Variants in RBFOX1 observed in about 807,000 individuals in gnomAD.
RBFOX1 encodes the protein RNA binding protein fox-1 homolog 1.
Under a neutral mutation model 57.7 loss-of-function variants are expected in RBFOX1, and 8 were observed. That is an observed-to-expected ratio of 0.14 (90% CI 0.08 to 0.25). RBFOX1 has a LOEUF of 0.25. Among genes scored for constraint, RBFOX1 ranks in the 10% least tolerant of loss-of-function variants. RBFOX1 has a pLI of 1.00. For missense variants in RBFOX1, 611 were observed against 548.5 expected (o/e 1.11, Z -1.14); for synonymous variants, 326 against 222.4 (o/e 1.47, Z -4.15).
At chr16:5,845,208 A>C (rs2056724941) in intron 3 of RBFOX1, among the ~76,000 whole-genome samples, 1 of 152,096 alleles carries the variant, frequency 6.6e-6, no homozygotes, top group Non-Finnish European at 1.5e-5. Context: ...GTCATTGCCA[A>C]GGGGGTATTA....
At chr16:7,683,951 T>G (rs1471970180) in intron 14 of RBFOX1, among the ~76,000 whole-genome samples, 2 of 152,142 alleles carry the variant, frequency 1.3e-5, no homozygotes, top group African/African-American at 4.8e-5. Flanking sequence ...CCGCTCCACT[T>G]TGTTACGTTG....
intron 2 of RBFOX1, among the ~76,000 whole-genome samples, chr16:6,355,934 C>T (rs2087239762): frequency 1.3e-5 from 2 of 152,124 alleles, no homozygotes; most frequent in Admixed American, 6.5e-5. Flanking sequence ...GGGTGTAGGT[C>T]AAGAAAACAC....
At chr16:7,358,634 G>C (rs2097262482) in intron 4 of RBFOX1, among the ~76,000 whole-genome samples, 1 of 152,078 alleles carries the variant, frequency 6.6e-6, no homozygotes, top group South Asian at 2.1e-4. Context: ...TGGCCAAGCT[G>C]GTCTCAAACT....
rs1273967539 is a variant in RBFOX1 at position 6,436,582 on chromosome 16, TTC to T, written c.-64+119527_-64+119528del. Among the ~76,000 whole-genome samples, 6 of 151,914 alleles carry T rather than the reference TTC, an allele frequency of 3.9e-5. No individual in the cohort carries two copies. In the East Asian group the frequency reaches 1.2e-3, roughly 29 times the overall value. On this transcript the variant is annotated intron_variant, in intron 2 of 15. Transcript: ENST00000550418. Reference sequence around the variant, plus strand: ...TAGGTCCAAGTTGAAATATTATTTTTTCTGGGGGGAAAAATTACCACCCCAAG... The same window carrying T: ...TAGGTCCAAGTTGAAATATTATTTTTTGGGGGGAAAAATTACCACCCCAAG...
chr16:6,868,400 G>A (rs1386499057), intron 3 of RBFOX1, among the ~76,000 whole-genome samples: 1 of 152,066 alleles, frequency 6.6e-6, no homozygotes, highest in Non-Finnish European at 1.5e-5. Context: ...TTTCTTTTGG[G>A]TTAGTGTTCA....
rs145766215 is a variant in RBFOX1, at chr16:7,361,840, A to G, written c.28-156307A>G. On this transcript the variant is annotated intron_variant, in intron 4 of 15. Transcript: ENST00000550418. ...TGTTAGTGTGTGTATGATTATGTAT[A>G]TATGTTTTGTGTGTCTGTGTGTTAG... 1.6e-4 allele frequency among the ~76,000 whole-genome samples: 24 copies of G among 151,340 alleles called. No homozygotes were observed. The East Asian group carries it at 3.3e-3, about 21-fold the overall frequency.
At chr16:6,307,289 A>T (rs1318741349) in intron 1 of RBFOX1, among the ~76,000 whole-genome samples, 2 of 152,154 alleles carry the variant, frequency 1.3e-5, no homozygotes, top group Non-Finnish European at 2.9e-5. Context: ...AGGCTGAGGC[A>T]GGAGAATGGT....
chr16:5,641,004 C>G (rs1236269277), intron 3 of RBFOX1, among the ~76,000 whole-genome samples: 1 of 151,888 alleles, frequency 6.6e-6, no homozygotes, highest in Middle Eastern at 3.4e-3. Context: ...TACATATGCA[C>G]ACACATACAT....
intron 3 of RBFOX1, among the ~76,000 whole-genome samples, chr16:5,828,152 G>T (rs2056140046): frequency 6.6e-6 from 1 of 151,524 alleles, no homozygotes; most frequent in South Asian, 2.1e-4. Flanking sequence ...CATGCATTCA[G>T]TCTATCCATC....
chr16:6,357,399 T>A (rs2087541705), intron 2 of RBFOX1, among the ~76,000 whole-genome samples: 1 of 152,046 alleles, frequency 6.6e-6, no homozygotes, highest in Non-Finnish European at 1.5e-5. Flanking sequence ...ATTTTCCTTA[T>A]TCCCCGGACT....
At chr16:6,588,709 T>TCCG (rs2097666892) in intron 2 of RBFOX1, among the ~76,000 whole-genome samples, 2 of 152,180 alleles carry the variant, frequency 1.3e-5, no homozygotes, top group Non-Finnish European at 2.9e-5. Flanking sequence ...TTCTATGATG[T>TCCG]TGATTTACAA....
At position 5,888,353 on chromosome 16, in the gene RBFOX1, T is replaced by C. The variant is rs1444318387; in HGVS notation, c.351+21018T>C. Among the ~76,000 whole-genome samples, 3 of 152,210 alleles carry C rather than the reference T, an allele frequency of 2.0e-5. No individual in the cohort carries two copies. The South Asian group carries it at 6.2e-4, about 32-fold the overall frequency. On this transcript the variant is annotated intron_variant, in intron 4 of 19. Transcript: ENST00000641259. ...TACAAAGCTTTTTTTCTTAATGACT[T>C]ATCACAATTTATGATCATTTTACTC...
chr16:6,090,770 T>C (rs1036861344), intron 1 of RBFOX1, among the ~76,000 whole-genome samples: 3 of 152,230 alleles, frequency 2.0e-5, no homozygotes, highest in African/African-American at 7.2e-5. Context: ...TCAGTCCTCT[T>C]TCTCTTTTCT....
At chr16:7,256,338 C>T (rs564120618) in intron 4 of RBFOX1, among the ~76,000 whole-genome samples, 1 of 152,108 alleles carries the variant, frequency 6.6e-6, no homozygotes, top group African/African-American at 2.4e-5. Context: ...ATGAAGCCAC[C>T]ATTCCTACCA....
chr16:6,854,693 C>A (rs535746116), intron 3 of RBFOX1, among the ~76,000 whole-genome samples: 7 of 144,812 alleles, frequency 4.8e-5, no homozygotes, highest in African/African-American at 1.6e-4. Context: ...CTCCTGGGTT[C>A]AAGTCGTTCT....
At chr16:7,292,517 T>C (rs1190319753) in intron 4 of RBFOX1, among the ~76,000 whole-genome samples, 1 of 120,882 alleles carries the variant, frequency 8.3e-6, no homozygotes, top group Admixed American at 1.0e-4. Context: ...AAAATATATA[T>C]AATACTATAT....
intron 11 of RBFOX1, among the ~76,000 whole-genome samples, chr16:7,640,769 C>G (rs1184343659): frequency 6.6e-6 from 1 of 152,158 alleles, no homozygotes; most frequent in Non-Finnish European, 1.5e-5. Context: ...AACTCCTTGA[C>G]AAAACTCACC....
At chr16:6,206,270 G>C (rs1001632303) in intron 1 of RBFOX1, among the ~76,000 whole-genome samples, 2 of 152,018 alleles carry the variant, frequency 1.3e-5, no homozygotes, top group East Asian at 1.9e-4. Context: ...TGTGTGTGCT[G>C]TTCCTGTTAC....
chr16:7,378,979 C>G (rs746833010), intron 4 of RBFOX1, among the ~76,000 whole-genome samples: 1 of 152,334 alleles, frequency 6.6e-6, no homozygotes, highest in African/African-American at 2.4e-5. Context: ...CATTTAGAAT[C>G]TGGTGGACTG....
Sources: allele counts gnomAD v4.1 joint callset (sites outside exome capture counted in the v4.1 genomes callset), GRCh38; gene constraint gnomAD v4.1.1; transcripts MANE v1.5; gene names NCBI Gene and HGNC (gene_info 2026-07-23, HGNC 2026-07-21).